The following SPATA6 variants were observed in gnomAD, a reference collection of about 807,000 sequenced individuals.
SPATA6 encodes the protein spermatogenesis-associated protein 6.
A neutral mutation model predicts 65.3 loss-of-function variants in SPATA6; 56 were observed. The observed-to-expected ratio is 0.86, with a 90% confidence interval of 0.69 to 1.07. The LOEUF (loss-of-function observed/expected upper bound fraction) is 1.07, where lower values mean the gene tolerates loss of function less well. SPATA6 is among the 50% of genes least tolerant of loss of function. The pLI is 0.00. For synonymous variants in SPATA6, 199 were observed against 213.2 expected, an observed-to-expected ratio of 0.93 and a Z score of 0.58; for missense variants, 590 against 594.8, an observed-to-expected ratio of 0.99 and a Z score of 0.08.
At chr1:48,415,674 A>G in intron 3 of SPATA6, among the ~76,000 whole-genome samples, 1 of 151,960 alleles carries the variant, frequency 6.6e-6, no homozygotes, top group East Asian at 1.9e-4. Context: ...AATATTCAAG[A>G]ACTCTGAGAT....
At chr1:48,408,638 C>T (rs1346707860) in intron 5 of SPATA6, among the ~76,000 whole-genome samples, 2 of 152,062 alleles carry the variant, frequency 1.3e-5, no homozygotes, top group Non-Finnish European at 2.9e-5. Context: ...TTTAATGGTA[C>T]TGATAAAGAC....
chr1:48,430,107 T>C (rs1017558329), intron 3 of SPATA6, among the ~76,000 whole-genome samples: 1 of 152,012 alleles, frequency 6.6e-6, no homozygotes, highest in African/African-American at 2.4e-5. Context: ...CTTCTCAAAT[T>C]TGATGAATGA....
At chr1:48,416,467 A>G (rs1652797170) in intron 3 of SPATA6, among the ~76,000 whole-genome samples, 1 of 152,218 alleles carries the variant, frequency 6.6e-6, no homozygotes, top group Non-Finnish European at 1.5e-5. Context: ...TCACATATGT[A>G]TGTGTGCATG....
At chr1:48,275,965 G>T in the SPATA6 span, among the ~76,000 whole-genome samples, 1 of 151,570 alleles carries the variant, frequency 6.6e-6, no homozygotes, top group African/African-American at 2.4e-5. Flanking sequence ...TCTGGTCCTG[G>T]GCTTTTTTTT....
At chr1:48,302,507 G>A (rs1448197136) in intron 12 of SPATA6, among the ~76,000 whole-genome samples, 1 of 152,194 alleles carries the variant, frequency 6.6e-6, no homozygotes, top group African/African-American at 2.4e-5. Flanking sequence ...GGCTACCCCG[G>A]AGTTAACATA....
intron 11 of SPATA6, among the ~76,000 whole-genome samples, chr1:48,310,744 C>A (rs1435434132): frequency 6.6e-6 from 1 of 152,170 alleles, no homozygotes; most frequent in Non-Finnish European, 1.5e-5. Flanking sequence ...GACCTAACAA[C>A]ATCTATAGAA....
At chr1:48,400,762 T>C (rs1388066046) in intron 6 of SPATA6, 9 of 1,293,600 alleles carry the variant, frequency 7.0e-6, no homozygotes. Flanking sequence ...GTCTATGCAT[T>C]TCATACAGAC....
chr1:48,469,807 T>C (rs892796373), intron 1 of SPATA6, among the ~76,000 whole-genome samples: 2 of 145,720 alleles, frequency 1.4e-5, no homozygotes, highest in African/African-American at 5.4e-5. Context: ...GGGTTTTTTT[T>C]GTGGGGGGGG....
In SPATA6 at chr1:48,436,382, T is replaced by C. The variant is rs535742649; in HGVS notation, c.238+15170A>G. ...TGGCTTTGGGTTATTTCTCCATTTA[T>C]GGCCTATGGTTCAGCAAGTCAACTC... On this transcript the variant is annotated intron_variant, in intron 3 of 12. Transcript: ENST00000371847. 2.2e-4 allele frequency: 347 copies of C among 1,611,992 alleles called. No homozygotes were observed. In the African/African-American group the frequency reaches 3.9e-3, roughly 18 times the overall value.
At chr1:48,396,453 C>T (rs1378007959) in intron 7 of SPATA6, among the ~76,000 whole-genome samples, 2 of 151,670 alleles carry the variant, frequency 1.3e-5, no homozygotes, top group African/African-American at 4.8e-5. Context: ...CAGCGTTATT[C>T]ACACTGTACA....
chr1:48,425,792 T>C (rs1282939579), intron 3 of SPATA6, among the ~76,000 whole-genome samples: 1 of 152,106 alleles, frequency 6.6e-6, no homozygotes, highest in Non-Finnish European at 1.5e-5. Context: ...CCCTACTTTA[T>C]ACTATATATA....
chr1:48,296,751 G>A lies in SPATA6; in HGVS notation c.*1962C>T, dbSNP rs1644819108. The stretch of plus-strand genomic sequence containing the variant: ...CAGAGAGTAACTCAGCAATTGTGTA[G>A]TCCAGCATTTCTACAACCTAGGTAT... On this transcript the variant is annotated 3_prime_UTR_variant, in exon 13 of 13. Transcript: ENST00000371847. 6.6e-6 allele frequency: 1 copy of A among 152,094 alleles called. No individual in the cohort carries two copies. The highest frequency in any genetic ancestry group is 1.5e-5 in the Non-Finnish European group (1 of 68,020). The allele number at this position is 152,094 out of a possible 1,614,324, so 9.4% of individuals were successfully genotyped here. A position where few individuals can be genotyped will look rare whatever the true frequency, so the allele number is the denominator to read the frequency against.
intron 7 of SPATA6, among the ~76,000 whole-genome samples, chr1:48,398,601 A>G (rs1650830453): frequency 1.3e-5 from 2 of 151,834 alleles, no homozygotes; most frequent in Non-Finnish European, 3.0e-5. Flanking sequence ...ACATTAATCC[A>G]TATTTTTATT....
At chr1:48,378,563 G>C (rs1648192016) in intron 9 of SPATA6, among the ~76,000 whole-genome samples, 1 of 152,140 alleles carries the variant, frequency 6.6e-6, no homozygotes, top group South Asian at 2.1e-4. Context: ...GGAGGTGAAA[G>C]GCACTTCTTA....
At chr1:48,439,848 G>A (rs1015472815) in intron 3 of SPATA6, among the ~76,000 whole-genome samples, 3 of 152,112 alleles carry the variant, frequency 2.0e-5, no homozygotes, top group Non-Finnish European at 4.4e-5. Flanking sequence ...CTATGGCCTG[G>A]CCCCAATATT....
At chr1:48,453,568 C>G (rs1283509123) in intron 1 of SPATA6, among the ~76,000 whole-genome samples, 1 of 152,076 alleles carries the variant, frequency 6.6e-6, no homozygotes, top group Non-Finnish European at 1.5e-5. Context: ...CTTCTATCAC[C>G]CAAAATCACA....
intron 1 of SPATA6, among the ~76,000 whole-genome samples, chr1:48,455,147 C>T (rs72897219): frequency 0.025 from 3,758 of 152,168 alleles, 99 homozygotes; most frequent in African/African-American, 0.067. Context: ...CTTAGATTCC[C>T]TCTAAATCTG....
chr1:48,363,201 C>G (rs939208190), intron 9 of SPATA6, among the ~76,000 whole-genome samples: 3 of 152,014 alleles, frequency 2.0e-5, no homozygotes, highest in African/African-American at 7.2e-5. Context: ...GGGTACGTCT[C>G]TTTGATAAGA....
intron 9 of SPATA6, among the ~76,000 whole-genome samples, chr1:48,372,139 T>G (rs1647348059): frequency 6.6e-6 from 1 of 152,122 alleles, no homozygotes; most frequent in Non-Finnish European, 1.5e-5. Flanking sequence ...AAGTCCGAAC[T>G]CATTTTAGCA....
Sources: allele counts gnomAD v4.1 joint callset (sites outside exome capture counted in the v4.1 genomes callset), GRCh38; gene constraint gnomAD v4.1.1; transcripts MANE v1.5; gene names NCBI Gene and HGNC (gene_info 2026-07-23, HGNC 2026-07-21).